The following CNTNAP2 variants were observed in gnomAD, a reference collection of about 807,000 sequenced individuals.
CNTNAP2 encodes contactin associated protein 2.
CNTNAP2 carries 98 observed loss-of-function variants against 155.2 expected under a neutral mutation model. That is an observed-to-expected ratio of 0.63 (90% CI 0.54 to 0.75). The LOEUF (loss-of-function observed/expected upper bound fraction) is 0.75, where lower values mean the gene tolerates loss of function less well. CNTNAP2 is among the 30% of genes least tolerant of loss of function. CNTNAP2 has a pLI of 0.00. For missense variants in CNTNAP2, 1,727 were observed against 1,688.1 expected (o/e 1.02, Z -0.40); for synonymous variants, 651 against 631.2 (o/e 1.03, Z -0.47).
chr7:146,631,592 G>T (rs1799512095), intron 1 of CNTNAP2, among the ~76,000 whole-genome samples: 1 of 152,036 alleles, frequency 6.6e-6, no homozygotes, highest in African/African-American at 2.4e-5. Context: ...GAAGTTTTCT[G>T]GTCTCTTCTG....
chr7:147,636,424 CTTTTTTAT>C (rs1795181758), intron 12 of CNTNAP2, among the ~76,000 whole-genome samples: 2 of 145,522 alleles, frequency 1.4e-5, no homozygotes, highest in South Asian at 2.1e-4. Context: ...TTAACTTTTA[CTTTTTTAT>C]TTTTTTATTT....
In CNTNAP2 at chr7:147,257,753, G is replaced by T. The variant is rs572965195; in HGVS notation, c.1349-42388G>T. On this transcript the variant is annotated intron_variant, in intron 8 of 23. Coordinates refer to ENST00000361727, the MANE Select transcript of CNTNAP2 (RefSeq NM_014141.6). Reference sequence around the variant, plus strand: ...AGTTAAGGATCTTTTCACATGGAGGGTGATAATGAAAACTTTAAGTGAGAT... The same window carrying T: ...AGTTAAGGATCTTTTCACATGGAGGTTGATAATGAAAACTTTAAGTGAGAT... Among the ~76,000 whole-genome samples the T allele has an allele frequency of 2.0e-5, 3 of 152,312 alleles. No individual in the cohort carries two copies. The South Asian group carries it at 6.2e-4, about 32-fold the overall frequency.
At chr7:148,096,041 G>A (rs1803958739) in intron 15 of CNTNAP2, among the ~76,000 whole-genome samples, 1 of 152,104 alleles carries the variant, frequency 6.6e-6, no homozygotes, top group African/African-American at 2.4e-5. Flanking sequence ...CTTCTGCATG[G>A]TTATTTTTAC....
chr7:146,196,831 A>G (rs969253450), intron 1 of CNTNAP2, among the ~76,000 whole-genome samples: 2 of 152,110 alleles, frequency 1.3e-5, no homozygotes, highest in African/African-American at 4.8e-5. Flanking sequence ...TTGTCGCACT[A>G]CTATTGGAAA....
chr7:147,703,525 A>G (rs749716277), intron 13 of CNTNAP2, among the ~76,000 whole-genome samples: 9 of 152,208 alleles, frequency 5.9e-5, no homozygotes, highest in Non-Finnish European at 8.8e-5. Flanking sequence ...CAGAGTAAGG[A>G]CAAAAAATAC....
intron 8 of CNTNAP2, among the ~76,000 whole-genome samples, chr7:147,284,266 G>A (rs1805126436): frequency 6.6e-6 from 1 of 151,570 alleles, no homozygotes; most frequent in Admixed American, 6.6e-5. Flanking sequence ...GCATGAAAAG[G>A]AATCTTGTAA....
chr7:146,205,721 T>A (rs1217341856), intron 1 of CNTNAP2, among the ~76,000 whole-genome samples: 1 of 151,934 alleles, frequency 6.6e-6, no homozygotes, highest in Non-Finnish European at 1.5e-5. Flanking sequence ...GGCCATAGGA[T>A]ATATATTGTA....
chr7:147,449,818 ATG>A (rs1797800561), intron 10 of CNTNAP2, among the ~76,000 whole-genome samples: 1 of 152,212 alleles, frequency 6.6e-6, no homozygotes, highest in South Asian at 2.1e-4. Context: ...AGAAATTCAG[ATG>A]TGAAAATACA....
At chr7:147,172,374 T>C (rs188196839) in intron 8 of CNTNAP2, among the ~76,000 whole-genome samples, 91 of 152,286 alleles carry the variant, frequency 6.0e-4, no homozygotes, top group Middle Eastern at 6.8e-3. Flanking sequence ...GTTGACTGAA[T>C]GATAATTATG....
At chr7:147,639,019 T>C in intron 12 of CNTNAP2, 87 bp from the exon 13 acceptor site, 1 of 1,348,808 alleles carries the variant, frequency 7.4e-7, no homozygotes, top group Non-Finnish European at 1.1e-6. Flanking sequence ...AAAAAGACCA[T>C]TTAAGTGTGG....
intron 22 of CNTNAP2, among the ~76,000 whole-genome samples, chr7:148,386,967 G>A (rs1799224946): frequency 6.6e-6 from 1 of 152,206 alleles, no homozygotes; most frequent in South Asian, 2.1e-4. Flanking sequence ...GTTTGTGATA[G>A]TGCTTGTTCA....
intron 1 of CNTNAP2, among the ~76,000 whole-genome samples, chr7:146,526,258 C>G: frequency 6.6e-6 from 1 of 152,108 alleles, no homozygotes; most frequent in East Asian, 1.9e-4. Flanking sequence ...AAACTTTTGC[C>G]TGGTACATTA....
At chr7:146,959,797 A>G (rs994907100) in intron 3 of CNTNAP2, among the ~76,000 whole-genome samples, 4 of 152,026 alleles carry the variant, frequency 2.6e-5, no homozygotes, top group Non-Finnish European at 5.9e-5. Flanking sequence ...GGAACAGCAC[A>G]CTTGAGCCAA....
At chr7:148,346,772 TTAAAAAAAAAA>T (rs1313375289) in intron 21 of CNTNAP2, among the ~76,000 whole-genome samples, 1 of 6,612 alleles carries the variant, frequency 1.5e-4, no homozygotes, top group Non-Finnish European at 3.3e-4. Context: ...AACTCCATCT[TTAAAAAAAAAA>T]AAAAAAAAAA....
chr7:148,388,365 A>T (rs1400660331), intron 22 of CNTNAP2, among the ~76,000 whole-genome samples: 1 of 139,008 alleles, frequency 7.2e-6, no homozygotes, highest in Non-Finnish European at 1.5e-5. Flanking sequence ...TCATTGTTCA[A>T]TTCCCACCTA....
At chr7:147,033,854 G>A (rs1799093329) in intron 3 of CNTNAP2, among the ~76,000 whole-genome samples, 1 of 151,368 alleles carries the variant, frequency 6.6e-6, no homozygotes, top group Non-Finnish European at 1.5e-5. Context: ...CCAAATTGGG[G>A]CTTAGCCAGG....
At chr7:147,438,733 TG>T (rs911517147) in intron 10 of CNTNAP2, among the ~76,000 whole-genome samples, 11 of 152,072 alleles carry the variant, frequency 7.2e-5, no homozygotes, top group Non-Finnish European at 1.0e-4. Flanking sequence ...CTTTTTTTAC[TG>T]GGAGACTTTT....
intron 8 of CNTNAP2, among the ~76,000 whole-genome samples, chr7:147,191,020 A>G (rs1802669527): frequency 6.6e-6 from 1 of 152,188 alleles, no homozygotes; most frequent in Non-Finnish European, 1.5e-5. Context: ...AAAGACATAT[A>G]TATATTAGAT....
chr7:148,343,088 G>T (rs896971214), intron 21 of CNTNAP2, among the ~76,000 whole-genome samples: 3 of 152,186 alleles, frequency 2.0e-5, no homozygotes, highest in African/African-American at 2.4e-5. Flanking sequence ...GGACTTAACC[G>T]CTGGGTTTAT....
Sources: gnomAD v4.1 joint callset for allele counts (sites outside exome capture counted in the v4.1 genomes callset) on GRCh38, gnomAD v4.1.1 for gene constraint, MANE v1.5 for transcripts, NCBI Gene and HGNC (gene_info 2026-07-23, HGNC 2026-07-21) for gene names.